Variants in IQCM observed in about 807,000 individuals in gnomAD.
The protein encoded by IQCM is IQ motif containing M.
A neutral mutation model predicts 57.6 loss-of-function variants in IQCM; 45 were observed. The observed-to-expected ratio is 0.78, with a 90% confidence interval of 0.62 to 1.00. The LOEUF (loss-of-function observed/expected upper bound fraction) is 1.00. Among genes scored for constraint, IQCM ranks in the 50% least tolerant of loss-of-function variants. IQCM has a pLI of 0.00. For missense variants in IQCM, 468 were observed against 511.6 expected, an observed-to-expected ratio of 0.91 and a Z score of 0.82; for synonymous variants, 148 against 158.9, an observed-to-expected ratio of 0.93 and a Z score of 0.51.
At chr4:149,662,357 C>T (rs1009575968) in intron 7 of IQCM, among the ~76,000 whole-genome samples, 1 of 151,984 alleles carries the variant, frequency 6.6e-6, no homozygotes, top group African/African-American at 2.4e-5. Flanking sequence ...TGTAGCTTAA[C>T]ATATGATCTA....
intron 2 of IQCM, among the ~76,000 whole-genome samples, chr4:149,766,122 A>G (rs961659131): frequency 6.6e-6 from 1 of 152,042 alleles, no homozygotes; most frequent in Admixed American, 6.6e-5. Context: ...GTCTCTGTGT[A>G]TTGGCTTTTC....
intron 7 of IQCM, among the ~76,000 whole-genome samples, chr4:149,673,819 C>T (rs977343416): frequency 6.6e-6 from 1 of 152,148 alleles, no homozygotes; most frequent in African/African-American, 2.4e-5. Context: ...ACAGAATATA[C>T]ATTCTTCTCA....
chr4:149,551,609 G>A (rs1291250373), intron 11 of IQCM, among the ~76,000 whole-genome samples: 1 of 152,064 alleles, frequency 6.6e-6, no homozygotes, highest in East Asian at 1.9e-4. Context: ...AAAGTGGATG[G>A]AAAAGAAAAT....
intron 9 of IQCM, among the ~76,000 whole-genome samples, chr4:149,576,980 A>G (rs1295848732): frequency 6.6e-6 from 1 of 151,920 alleles, no homozygotes; most frequent in East Asian, 1.9e-4. Flanking sequence ...GCATTTCTCC[A>G]CTGATTAGTG....
chr4:149,401,176 A>G (rs1732596569), intron 13 of IQCM, among the ~76,000 whole-genome samples: 2 of 151,792 alleles, frequency 1.3e-5, no homozygotes, highest in African/African-American at 4.8e-5. Context: ...CCCCAAAAAG[A>G]TAATACAAGT....
intron 7 of IQCM, among the ~76,000 whole-genome samples, chr4:149,666,707 CTGAAGT>C (rs1760758669): frequency 1.3e-5 from 2 of 152,124 alleles, no homozygotes; most frequent in African/African-American, 4.8e-5. Context: ...GCACAGCACG[CTGAAGT>C]TGACCTGGGA....
chr4:149,458,373 T>C (rs568909306), intron 12 of IQCM, among the ~76,000 whole-genome samples: 12 of 152,126 alleles, frequency 7.9e-5, no homozygotes, highest in South Asian at 6.2e-4. Flanking sequence ...TAAAAGCTCT[T>C]AAGATTTATT....
intron 2 of IQCM, among the ~76,000 whole-genome samples, chr4:149,767,976 A>G (rs1389502877): frequency 6.6e-6 from 1 of 152,094 alleles, no homozygotes; most frequent in South Asian, 2.1e-4. Context: ...TTTAACTTAC[A>G]TAGCTGGCCT....
At chr4:149,561,160 T>C (rs370105156) in intron 10 of IQCM, among the ~76,000 whole-genome samples, 84 of 152,326 alleles carry the variant, frequency 5.5e-4, no homozygotes, top group African/African-American at 1.9e-3. Flanking sequence ...ATCTACTTTA[T>C]ATTGGCTCTG....
intron 2 of IQCM, among the ~76,000 whole-genome samples, chr4:149,788,288 T>G (rs1772256731): frequency 6.6e-6 from 1 of 152,050 alleles, no homozygotes; most frequent in Non-Finnish European, 1.5e-5. Flanking sequence ...GAGCTGAGAT[T>G]GCACCACTGG....
chr4:149,379,947 T>C (rs1730962237), intron 13 of IQCM, among the ~76,000 whole-genome samples: 1 of 152,114 alleles, frequency 6.6e-6, no homozygotes, highest in Non-Finnish European at 1.5e-5. Context: ...CCCATACTGT[T>C]CTCATGGTGG....
chr4:149,437,057 T>C (rs936000575), intron 12 of IQCM, among the ~76,000 whole-genome samples: 1 of 152,132 alleles, frequency 6.6e-6, no homozygotes, highest in Non-Finnish European at 1.5e-5. Flanking sequence ...GCATTTTCAA[T>C]GCCTCCTAGC....
At chr4:149,605,100 TC>T (rs1170593443) in intron 8 of IQCM, among the ~76,000 whole-genome samples, 1 of 152,174 alleles carries the variant, frequency 6.6e-6, no homozygotes, top group Non-Finnish European at 1.5e-5. Context: ...GGCCTAGTGC[TC>T]CCCAAATATC....
intron 13 of IQCM, among the ~76,000 whole-genome samples, chr4:149,382,575 TC>T (rs1731152288): frequency 1.3e-5 from 2 of 152,018 alleles, no homozygotes; most frequent in Non-Finnish European, 2.9e-5. Flanking sequence ...ATAAGTACTT[TC>T]CCTGGGCATT....
intron 12 of IQCM, among the ~76,000 whole-genome samples, chr4:149,492,548 A>G (rs894598158): frequency 3.3e-5 from 5 of 152,112 alleles, no homozygotes; most frequent in African/African-American, 9.6e-5. Flanking sequence ...ATTTTAATAT[A>G]CTATAAGAGA....
chr4:149,580,920 T>C (rs1168726990), intron 9 of IQCM, among the ~76,000 whole-genome samples: 1 of 151,768 alleles, frequency 6.6e-6, no homozygotes, highest in Non-Finnish European at 1.5e-5. Context: ...TTTTATTACT[T>C]GTGTAAGGTG....
At chr4:149,382,992 CAA>C (rs202088268) in intron 13 of IQCM, among the ~76,000 whole-genome samples, 173 of 103,840 alleles carry the variant, frequency 1.7e-3, no homozygotes, top group African/African-American at 2.2e-3. Context: ...TATTCTTCAG[CAA>C]AAAAAAAAAA....
intron 13 of IQCM, among the ~76,000 whole-genome samples, chr4:149,363,884 T>C (rs1302889608): frequency 1.3e-5 from 2 of 152,156 alleles, no homozygotes; most frequent in Non-Finnish European, 2.9e-5. Flanking sequence ...TGAAGACAAG[T>C]GCATTTCAAG....
At position 149,416,314 on chromosome 4, in the gene IQCM, A is replaced by G. The variant is rs1036837179; in HGVS notation, c.1390+17082T>C. 4.6e-5 allele frequency among the ~76,000 whole-genome samples: 7 copies of G among 152,098 alleles called. No homozygotes were observed. The East Asian group carries it at 9.7e-4, about 21-fold the overall frequency. On this transcript the variant is annotated intron_variant, in intron 13 of 13. Coordinates refer to ENST00000636793, the MANE Select transcript of IQCM (RefSeq NM_001363507.2). Reference sequence around the variant, plus strand: ...ATAAATAATATATTCCTGAGAAAATATCTATTTTTGTATTCAATATAATTT... The same window carrying G: ...ATAAATAATATATTCCTGAGAAAATGTCTATTTTTGTATTCAATATAATTT...
Sources: allele counts gnomAD v4.1 joint callset (sites outside exome capture counted in the v4.1 genomes callset), GRCh38; gene constraint gnomAD v4.1.1; transcripts MANE v1.5; gene names NCBI Gene and HGNC (gene_info 2026-07-23, HGNC 2026-07-21).